Variants in PPP3R1 observed in about 807,000 individuals in gnomAD.
The protein encoded by PPP3R1 is protein phosphatase 3 regulatory subunit B, alpha.
PPP3R1 carries 5 observed loss-of-function variants against 22.6 expected under a neutral mutation model. The ratio of observed to expected loss-of-function variants is 0.22; its 90% confidence interval spans 0.12 to 0.46. The LOEUF is 0.46. Among genes scored for constraint, PPP3R1 ranks in the 20% least tolerant of loss-of-function variants. The pLI is 0.99. For missense variants in PPP3R1, 61 were observed against 203.2 expected, an observed-to-expected ratio of 0.30 and a Z score of 4.25; for synonymous variants, 56 against 65.2, an observed-to-expected ratio of 0.86 and a Z score of 0.68.
chr2:68,186,144 C>T (rs1289100022), intron 5 of PPP3R1, among the ~76,000 whole-genome samples: 1 of 152,022 alleles, frequency 6.6e-6, no homozygotes, highest in Non-Finnish European at 1.5e-5. Context: ...AAAGCCTACT[C>T]TCTGTTTTTA....
At chr2:68,231,218 T>C (rs1669890729) in intron 1 of PPP3R1, among the ~76,000 whole-genome samples, 1 of 152,194 alleles carries the variant, frequency 6.6e-6, no homozygotes. Context: ...TACTTCTGCC[T>C]GCTAGTTCAC....
intron 1 of PPP3R1, among the ~76,000 whole-genome samples, chr2:68,227,413 C>T (rs1037530840): frequency 6.6e-6 from 1 of 151,870 alleles, no homozygotes; most frequent in Non-Finnish European, 1.5e-5. Context: ...AAGTCACTGA[C>T]CATCTTAGTA....
At chr2:68,238,539 T>C (rs1414961753) in intron 1 of PPP3R1, among the ~76,000 whole-genome samples, 1 of 152,158 alleles carries the variant, frequency 6.6e-6, no homozygotes, top group South Asian at 2.1e-4. Context: ...CCGACTGTCA[T>C]GCAAAACAGT....
intron 2 of PPP3R1, among the ~76,000 whole-genome samples, chr2:68,215,045 C>T (rs1054761471): frequency 1.3e-5 from 2 of 152,072 alleles, no homozygotes; most frequent in African/African-American, 2.4e-5. Context: ...AAACCAAATA[C>T]TGCATGTTCT....
At chr2:68,197,375 CT>C (rs1303419321) in intron 2 of PPP3R1, among the ~76,000 whole-genome samples, 1 of 152,222 alleles carries the variant, frequency 6.6e-6, no homozygotes, top group Admixed American at 6.5e-5. Context: ...TTCCTTTATA[CT>C]GCAGAGCAGT....
intron 1 of PPP3R1, among the ~76,000 whole-genome samples, chr2:68,246,345 T>C (rs1670236958): frequency 6.6e-6 from 1 of 152,024 alleles, no homozygotes; most frequent in Admixed American, 6.6e-5. Flanking sequence ...AGTGCTGGGA[T>C]TACAGGAGTG....
At chr2:68,201,351 C>G (rs1173796580) in intron 2 of PPP3R1, among the ~76,000 whole-genome samples, 3 of 152,176 alleles carry the variant, frequency 2.0e-5, no homozygotes. Context: ...ACACGTATGG[C>G]TCCTCCAAAG....
At chr2:68,189,478 A>G (rs1320876080) in intron 2 of PPP3R1, among the ~76,000 whole-genome samples, 2 of 152,242 alleles carry the variant, frequency 1.3e-5, no homozygotes, top group African/African-American at 4.8e-5. Flanking sequence ...TTTCTTCTAA[A>G]TTACATCATT....
At chr2:68,223,828 G>T (rs1411301190) in intron 1 of PPP3R1, among the ~76,000 whole-genome samples, 1 of 149,906 alleles carries the variant, frequency 6.7e-6, no homozygotes, top group South Asian at 2.1e-4. Context: ...AAAACAAAAG[G>T]TATACAGATT....
intron 1 of PPP3R1, among the ~76,000 whole-genome samples, chr2:68,232,872 G>A (rs1669945673): frequency 6.6e-6 from 1 of 152,100 alleles, no homozygotes. Context: ...CTCCCAAAAT[G>A]CTGGGATTAT....
chr2:68,246,569 C>CT (rs1670240429), intron 1 of PPP3R1, among the ~76,000 whole-genome samples: 3 of 152,174 alleles, frequency 2.0e-5, no homozygotes, highest in South Asian at 4.1e-4. Context: ...CAAAAGACAT[C>CT]TTTAAGTTCT....
intron 2 of PPP3R1, among the ~76,000 whole-genome samples, chr2:68,205,882 C>T (rs757828523): frequency 1.3e-5 from 2 of 151,966 alleles, no homozygotes; most frequent in Non-Finnish European, 2.9e-5. Flanking sequence ...TGCAATGGCG[C>T]GATCTCGGCT....
In PPP3R1 at chr2:68,252,362, C is replaced by G; in HGVS notation, c.-235G>C. ...ATAAATTAAGGTCGAGATTCAGAGCCGGAGAGCGCGGGAGGAGCAGCGGCG... is the reference window on the plus strand; with the variant it reads ...ATAAATTAAGGTCGAGATTCAGAGCGGGAGAGCGCGGGAGGAGCAGCGGCG... On this transcript the variant is annotated 5_prime_UTR_variant, in exon 1 of 6. Transcript: ENST00000234310. 4 of 1,006,088 alleles carry G rather than the reference C, an allele frequency of 4.0e-6. No homozygotes were observed. The South Asian group carries it at 1.9e-4, about 47-fold the overall frequency. The allele number at this position is 1,006,088 out of a possible 1,614,324, so 62.3% of individuals were successfully genotyped here.
rs201152385 is a variant in PPP3R1 at position 68,229,973 on chromosome 2, TACACACACACACACACAC to T, written c.4-12860_4-12843del. Among the ~76,000 whole-genome samples the T allele has an allele frequency of 2.6e-4, 37 of 143,250 alleles. No individual in the cohort carries two copies. In the East Asian group the frequency reaches 4.4e-3, roughly 17 times the overall value. 94.0% of individuals were successfully genotyped at this position (143,250 alleles called of 152,430 possible). A position where few individuals can be genotyped will look rare whatever the true frequency, so the allele number is the denominator to read the frequency against. ...ATGTGTGTGTGTATATATACACACATACACACACACACACACACACACACACACACACACACACATATA... is the reference window on the plus strand; with the variant it reads ...ATGTGTGTGTGTATATATACACACATACACACACACACACACACACATATA... On this transcript the variant is annotated intron_variant, in intron 1 of 5. Transcript: ENST00000234310.
Position 68,179,937 on chromosome 2 carries a change from T to C in PPP3R1, c.*1026A>G, listed in dbSNP as rs1674366756. 1 of 152,222 alleles carries C rather than the reference T, an allele frequency of 6.6e-6. No homozygotes were observed. Among genetic ancestry groups the C allele is most frequent in the Non-Finnish European group, 1.5e-5 (1 of 68,034 alleles). The allele number at this position is 152,222 out of a possible 1,614,324, so 9.4% of individuals were successfully genotyped here. A position where few individuals can be genotyped will look rare whatever the true frequency, so the allele number is the denominator to read the frequency against. ...AGTTTTTTAGATTAGCTGCAAGTCT[T>C]TTGAAACAAGGGAATTCATGATTCA... On this transcript the variant is annotated 3_prime_UTR_variant, in exon 6 of 6. Coordinates refer to ENST00000234310, the MANE Select transcript of PPP3R1 (RefSeq NM_000945.4).
In PPP3R1 at chr2:68,179,005, A is replaced by AG. The variant is rs1674346618; in HGVS notation, c.*1957_*1958insC. On this transcript the variant is annotated 3_prime_UTR_variant, in exon 6 of 6. Coordinates refer to ENST00000234310, the MANE Select transcript of PPP3R1 (RefSeq NM_000945.4). ...CCCCCACACACAAACTAAAAAAAAA[A>AG]AAAAAAAAAAAGAAAAAGAAAAAAC... 1 of 133,902 alleles carries AG rather than the reference A, an allele frequency of 7.5e-6. No individual in the cohort carries two copies. The highest frequency in any genetic ancestry group is 3.2e-5 in the African/African-American group (1 of 31,274). The allele number at this position is 133,902 out of a possible 1,614,324, so 8.3% of individuals were successfully genotyped here. A position where few individuals can be genotyped will look rare whatever the true frequency, so the allele number is the denominator to read the frequency against.
intron 2 of PPP3R1, among the ~76,000 whole-genome samples, chr2:68,195,747 T>C (rs1674753393): frequency 6.6e-6 from 1 of 152,166 alleles, no homozygotes; most frequent in African/African-American, 2.4e-5. Flanking sequence ...TTAAAATACT[T>C]ACATCAGCAT....
Position 68,188,705 on chromosome 2 carries a change from A to C in PPP3R1, c.44-15T>G. 1.3e-6 allele frequency: 2 copies of C among 1,558,056 alleles called. No homozygotes were observed. Among genetic ancestry groups the C allele is most frequent in the Non-Finnish European group, 8.6e-7 (1 of 1,156,942 alleles). ...ATCCGCATCAACTAAAAGCAAACAA[A>C]AAAGGAAGCAAGAATTTTTTAAAAA... On this transcript the variant is annotated splice_polypyrimidine_tract_variant and intron_variant, in intron 2 of 5. Transcript: ENST00000234310.
At chr2:68,229,969 CACAT>C (rs1463467826) in intron 1 of PPP3R1, among the ~76,000 whole-genome samples, 976 of 68,852 alleles carry the variant, frequency 0.014, 18 homozygotes, top group African/African-American at 0.068. Flanking sequence ...TATATATACA[CACAT>C]ACACACACAC....
Sources: allele counts gnomAD v4.1 joint callset (sites outside exome capture counted in the v4.1 genomes callset), GRCh38; gene constraint gnomAD v4.1.1; transcripts MANE v1.5; gene names NCBI Gene and HGNC (gene_info 2026-07-23, HGNC 2026-07-21).